ESR2: variants seen among roughly 807,000 people sequenced by gnomAD.
ESR2 encodes the protein estrogen receptor beta.
ESR2 carries 36 observed loss-of-function variants against 49.6 expected under a neutral mutation model. The observed-to-expected ratio is 0.73, with a 90% CI of 0.56 to 0.96. The LOEUF (loss-of-function observed/expected upper bound fraction) is 0.96, where lower values mean the gene tolerates loss of function less well. Among genes scored for constraint, ESR2 ranks in the 40% least tolerant of loss-of-function variants. The probability of loss-of-function intolerance (pLI) is 0.00; values close to 1 mark genes in which losing one functional copy is unlikely to be tolerated. For missense variants in ESR2, 714 were observed against 693.0 expected, an observed-to-expected ratio of 1.03 and a Z score of -0.34; for synonymous variants, 320 against 266.1, an observed-to-expected ratio of 1.20 and a Z score of -1.97.
chr14:64,274,438 G>A (rs551859785), intron 3 of ESR2, among the ~76,000 whole-genome samples: 6 of 151,702 alleles, frequency 4.0e-5, no homozygotes, highest in East Asian at 3.9e-4. Flanking sequence ...AGATTTCTGC[G>A]GTATCAGTTG....
chr14:64,244,825 T>C (rs2075814845), intron 7 of ESR2, among the ~76,000 whole-genome samples: 1 of 152,216 alleles, frequency 6.6e-6, no homozygotes, highest in Non-Finnish European at 1.5e-5. Context: ...CCTACCTACC[T>C]ATCCATCCTA....
chr14:64,291,439 C>A (rs2076868511), intron 1 of ESR2, among the ~76,000 whole-genome samples: 2 of 152,144 alleles, frequency 1.3e-5, no homozygotes, highest in African/African-American at 2.4e-5. Context: ...CTCTGCATAT[C>A]CTAGTTACTA....
downstream of ESR2, chr14:64,227,822 G>A: frequency 1.9e-6 from 3 of 1,576,324 alleles, no homozygotes; most frequent in Admixed American, 1.8e-5. Context: ...GAGGTAGTCT[G>A]GGTTTTATAT....
chr14:64,271,822 G>A (rs2076452546), intron 3 of ESR2, among the ~76,000 whole-genome samples: 1 of 152,218 alleles, frequency 6.6e-6, no homozygotes, highest in Non-Finnish European at 1.5e-5. Context: ...CACTTAGGTT[G>A]CTTCCAAATC....
intron 1 of ESR2, chr14:64,332,080 G>C (rs2077467149): frequency 1.3e-5 from 2 of 152,196 alleles, no homozygotes; most frequent in Non-Finnish European, 2.9e-5. Context: ...TGAAGAGTTT[G>C]CTATGCCTGA....
chr14:64,255,533 ATAAAG>A (rs2076081520), intron 6 of ESR2, among the ~76,000 whole-genome samples: 4 of 152,196 alleles, frequency 2.6e-5, no homozygotes, highest in Admixed American at 1.3e-4. Context: ...AACAGGTAGA[ATAAAG>A]TAGAGAGTTA....
At chr14:64,247,627 C>T (rs1428130504) in intron 7 of ESR2, among the ~76,000 whole-genome samples, 1 of 152,132 alleles carries the variant, frequency 6.6e-6, no homozygotes, top group African/African-American at 2.4e-5. Flanking sequence ...AACATTAAAA[C>T]CTGGATATAC....
chr14:64,289,044 A>G (rs1379085482), intron 1 of ESR2, among the ~76,000 whole-genome samples: 1 of 151,518 alleles, frequency 6.6e-6, no homozygotes, highest in Admixed American at 6.6e-5. Flanking sequence ...TGTATATTCT[A>G]TCAATGGATA....
rs143879622 is a variant in ESR2 at position 64,303,154 on chromosome 14, G to A, written c.-90-20079C>T. 5.6e-3 allele frequency among the ~76,000 whole-genome samples: 852 copies of A among 152,260 alleles called. 11 individuals carry two copies. The highest frequency in any genetic ancestry group is 0.02 in the African/African-American group (824 of 41,552). On this transcript the variant is annotated intron_variant, in intron 1 of 8. Coordinates refer to the ESR2 transcript ENST00000358599. ...ATTTGCAATTCGGTGATTAAACCCC[G>A]AGTGGCTTGAATTTGGCCATGGTGG...
Position 64,287,152 on chromosome 14 carries a change from A to T in ESR2, c.-90-4077T>A, listed in dbSNP as rs374972476. Among the ~76,000 whole-genome samples the T allele has an allele frequency of 3.9e-5, 6 of 152,072 alleles. No individual in the cohort carries two copies. The South Asian group carries it at 1.0e-3, about 26-fold the overall frequency. ...ACATTATTGTGCAACCAATCTCTAG[A>T]ACTCATTTCATCTTGCAAAACTAAA... On this transcript the variant is annotated intron_variant, in intron 1 of 8. Transcript: ENST00000341099.
rs752438967 is a variant in ESR2 at position 64,235,120 on chromosome 14, T to A, written c.1256A>T (p.Asp419Val). ...SMYPLVTATQ[D>V]ADSSRKLAHL... is the part of the protein sequence containing the mutation. The stretch of plus-strand genomic sequence containing the variant: ...AGCCAGCTTCCGGCTGCTGTCAGCA[T>A]CCTGGGTCGCTGTGACCAGAGGGTA... The change falls in exon 8 of 9, where the codon GAT (aspartate) becomes GTT (valine). Residue 419 changes from aspartate to valine, a missense_variant. Transcript: ENST00000341099. 8.1e-6 allele frequency: 13 copies of A among 1,614,030 alleles called. No homozygotes were observed. Among genetic ancestry groups the A allele is most frequent in the Non-Finnish European group, 1.0e-5 (12 of 1,180,026 alleles).
At chr14:64,258,894 C>T (rs1315758312) in intron 5 of ESR2, among the ~76,000 whole-genome samples, 1 of 152,040 alleles carries the variant, frequency 6.6e-6, no homozygotes, top group Non-Finnish European at 1.5e-5. Flanking sequence ...AATGACTATG[C>T]CAGCTAAGAG....
chr14:64,322,295 G>A (rs1257929428), intron 1 of ESR2, among the ~76,000 whole-genome samples: 3 of 152,076 alleles, frequency 2.0e-5, no homozygotes, highest in African/African-American at 7.2e-5. Context: ...CTGACCTCAG[G>A]TGATCCACCC....
At chr14:64,250,333 T>C (rs2140681221) in intron 6 of ESR2, among the ~76,000 whole-genome samples, 1 of 152,356 alleles carries the variant, frequency 6.6e-6, no homozygotes, top group Middle Eastern at 3.4e-3. Context: ...TGCCAAGGAT[T>C]ATCTTCAAGC....
At chr14:64,319,420 C>A (rs1324891534) in intron 1 of ESR2, among the ~76,000 whole-genome samples, 1 of 151,258 alleles carries the variant, frequency 6.6e-6, no homozygotes, top group African/African-American at 2.4e-5. Context: ...AAAAAACTGA[C>A]AAGTTGGACT....
At chr14:64,247,086 C>T (rs967275380) in intron 7 of ESR2, among the ~76,000 whole-genome samples, 1 of 152,136 alleles carries the variant, frequency 6.6e-6, no homozygotes, top group African/African-American at 2.4e-5. Flanking sequence ...GTGCTCTCTC[C>T]AGAGCTAATG....
chr14:64,262,521 T>C (rs2076244144), intron 4 of ESR2, among the ~76,000 whole-genome samples: 3 of 152,212 alleles, frequency 2.0e-5, no homozygotes. Context: ...TAAGATTCTT[T>C]TTTGGGAAGA....
At chr14:64,278,406 C>G (rs2076599214) in intron 3 of ESR2, among the ~76,000 whole-genome samples, 1 of 152,168 alleles carries the variant, frequency 6.6e-6, no homozygotes, top group African/African-American at 2.4e-5. Flanking sequence ...TCACTCCTCA[C>G]CATATCCTGG....
At chr14:64,290,862 A>C (rs78481919) in intron 1 of ESR2, among the ~76,000 whole-genome samples, 2,497 of 152,342 alleles carry the variant, frequency 0.016, 70 homozygotes, top group East Asian at 0.086. Flanking sequence ...TTTCCTTCTA[A>C]AATGAGGAAA....
Sources: gnomAD v4.1 joint callset for allele counts (sites outside exome capture counted in the v4.1 genomes callset) on GRCh38, gnomAD v4.1.1 for gene constraint, MANE v1.5 for transcripts, NCBI Gene and HGNC (gene_info 2026-07-23, HGNC 2026-07-21) for gene names.